Variants in KIRREL3 observed in about 807,000 individuals in gnomAD.
The protein encoded by KIRREL3 is kin of IRRE-like protein 3.
A neutral mutation model predicts 89.7 loss-of-function variants in KIRREL3; 36 were observed. That is an observed-to-expected ratio of 0.40 (90% CI 0.31 to 0.53). The LOEUF (loss-of-function observed/expected upper bound fraction) is 0.53. Among genes scored for constraint, KIRREL3 ranks in the 20% least tolerant of loss-of-function variants. The probability of loss-of-function intolerance (pLI) is 0.49; values close to 1 mark genes in which losing one functional copy is unlikely to be tolerated. For synonymous variants in KIRREL3, 445 were observed against 441.4 expected, an observed-to-expected ratio of 1.01 and a Z score of -0.10; for missense variants, 864 against 1,056.6, an observed-to-expected ratio of 0.82 and a Z score of 2.53.
At position 126,642,810 on chromosome 11, in the gene KIRREL3, T is replaced by C. The variant is rs1038561613; in HGVS notation, c.56-79898A>G. On this transcript the variant is annotated intron_variant, in intron 1 of 16. Transcript: ENST00000525144. This position sits in a 1 kb window ranked among gnomAD's most constrained non-coding sequence, Gnocchi z 4.9. ...TCCCTTCAAGGGTTATGATTTTGTA[T>C]GTGCAAAATTCTGAACTGTACATCC... Among the ~76,000 whole-genome samples, 3 of 152,232 alleles carry C rather than the reference T, an allele frequency of 2.0e-5. No homozygotes were observed. The highest frequency in any genetic ancestry group is 7.2e-5 in the African/African-American group (3 of 41,460).
chr11:126,642,445 A>G lies in KIRREL3; in HGVS notation c.56-79533T>C, dbSNP rs1171829433. Among the ~76,000 whole-genome samples, 2 of 152,234 alleles carry G rather than the reference A, an allele frequency of 1.3e-5. No homozygotes were observed. Among genetic ancestry groups the G allele is most frequent in the East Asian group, 1.9e-4 (1 of 5,198 alleles). Reference sequence around the variant, plus strand: ...TGCCTCTCTGTGAAAGCACATTACAATGTGGCCTAGCCCAAGCTAGACTCA... The same window carrying G: ...TGCCTCTCTGTGAAAGCACATTACAGTGTGGCCTAGCCCAAGCTAGACTCA... On this transcript the variant is annotated intron_variant, in intron 1 of 16. Coordinates refer to ENST00000525144, the MANE Select transcript of KIRREL3 (RefSeq NM_032531.4). This position sits in a 1 kb window ranked among gnomAD's most constrained non-coding sequence, Gnocchi z 4.9.
chr11:126,793,046 A>G (rs1258064594), intron 1 of KIRREL3, among the ~76,000 whole-genome samples: 1 of 152,122 alleles, frequency 6.6e-6, no homozygotes, highest in Non-Finnish European at 1.5e-5. Flanking sequence ...TTCAAATATT[A>G]CACAATAAAA....
chr11:126,851,598 G>A (rs1323383673), intron 1 of KIRREL3, among the ~76,000 whole-genome samples: 2 of 152,074 alleles, frequency 1.3e-5, no homozygotes, highest in East Asian at 1.9e-4. Context: ...CTCTCTGCCC[G>A]GCCCTGGGAA....
rs1237112770 is a variant in KIRREL3 at position 126,463,991 on chromosome 11, C to T, written c.592-684G>A. On this transcript the variant is annotated intron_variant, in intron 5 of 16. Coordinates refer to ENST00000525144, the MANE Select transcript of KIRREL3 (RefSeq NM_032531.4). The surrounding 1 kb of genome is among the most constrained non-coding windows in gnomAD (Gnocchi z 5.9). ...AGAGGCTATGGAGCTTGACCAAACTCACATTTCAAGTTGGTCCTGAAATAA... is the reference window on the plus strand; with the variant it reads ...AGAGGCTATGGAGCTTGACCAAACTTACATTTCAAGTTGGTCCTGAAATAA... Among the ~76,000 whole-genome samples the T allele has an allele frequency of 1.3e-5, 2 of 152,152 alleles. No individual in the cohort carries two copies. The highest frequency in any genetic ancestry group is 4.8e-5 in the African/African-American group (2 of 41,418).
Position 126,431,568 on chromosome 11 carries a change from T to C in KIRREL3, c.1589-42A>G, listed in dbSNP as rs777750276. On this transcript the variant is annotated intron_variant, in intron 13 of 16. Transcript: ENST00000525144. The surrounding 1 kb of genome is among the most constrained non-coding windows in gnomAD (Gnocchi z 7.1). ...GGCACAGCTGATGACGGATGGGGAA[T>C]GGCCTACTATCCCCCCATGATCTCA... 34 of 1,573,270 alleles carry C rather than the reference T, an allele frequency of 2.2e-5. No homozygotes were observed. The highest frequency in any genetic ancestry group is 3.0e-5 in the Non-Finnish European group (34 of 1,148,710).
chr11:126,919,789 G>A lies in KIRREL3; in HGVS notation c.55+80666C>T, dbSNP rs78247866. ...AGATTACATGCAAAGAAGTTTTAGA[G>A]GTTAAGAGTTCCAAAGAGGACAGAC... On this transcript the variant is annotated intron_variant, in intron 1 of 16. Transcript: ENST00000525144. Among the ~76,000 whole-genome samples the A allele has an allele frequency of 4.6e-5, 7 of 152,204 alleles. No homozygotes were observed. In the East Asian group the frequency reaches 1.2e-3, roughly 25 times the overall value.
At chr11:126,597,244 AG>A (rs1189653668) in intron 1 of KIRREL3, among the ~76,000 whole-genome samples, 1 of 152,148 alleles carries the variant, frequency 6.6e-6, no homozygotes, top group African/African-American at 2.4e-5. Flanking sequence ...CCTGGGCCAG[AG>A]CCCGCCTGTC....
At chr11:126,675,348 C>T (rs1295689322) in intron 1 of KIRREL3, among the ~76,000 whole-genome samples, 2 of 152,200 alleles carry the variant, frequency 1.3e-5, no homozygotes, top group Admixed American at 6.5e-5. Context: ...TGTGATTATG[C>T]ACCAGGCATG....
At chr11:126,921,108 C>T (rs1488899905) in intron 1 of KIRREL3, among the ~76,000 whole-genome samples, 2 of 152,202 alleles carry the variant, frequency 1.3e-5, no homozygotes, top group South Asian at 2.1e-4. Flanking sequence ...TTCTCTCTCC[C>T]TCTCCCCTGG....
chr11:126,755,815 C>T lies in KIRREL3; in HGVS notation c.56-192903G>A, dbSNP rs930880692. 7.9e-4 allele frequency among the ~76,000 whole-genome samples: 107 copies of T among 135,748 alleles called. No individual in the cohort carries two copies. The highest frequency in any genetic ancestry group is 1.5e-3 in the Non-Finnish European group (96 of 64,746). 89.1% of individuals were successfully genotyped at this position (135,748 alleles called of 152,430 possible). A position where few individuals can be genotyped will look rare whatever the true frequency, so the allele number is the denominator to read the frequency against. On this transcript the variant is annotated intron_variant, in intron 1 of 16. Transcript: ENST00000525144. This position sits in a 1 kb window ranked among gnomAD's most constrained non-coding sequence, Gnocchi z 4.3. ...CCCTGAATGCGTGCTCGCCATCTGC[C>T]ATTCAGGCAGAGAGAGAGAGAGAGA...
intron 1 of KIRREL3, among the ~76,000 whole-genome samples, chr11:126,857,750 C>T (rs1430687434): frequency 9.7e-6 from 1 of 103,456 alleles, no homozygotes; most frequent in Non-Finnish European, 1.8e-5. Flanking sequence ...AAGGAATCAG[C>T]CAATGCGTGT....
At position 126,628,972 on chromosome 11, in the gene KIRREL3, G is replaced by A. The variant is rs1240676885; in HGVS notation, c.56-66060C>T. ...TTGATAATGAGCATTTAAAGGGCAC[G>A]TCCTAATGAAGGGAGCCAGGAATGA... On this transcript the variant is annotated intron_variant, in intron 1 of 16. Transcript: ENST00000525144. The surrounding 1 kb of genome is among the most constrained non-coding windows in gnomAD (Gnocchi z 5.2). Among the ~76,000 whole-genome samples, 1 of 152,192 alleles carries A rather than the reference G, an allele frequency of 6.6e-6. No individual in the cohort carries two copies. The highest frequency in any genetic ancestry group is 1.5e-5 in the Non-Finnish European group (1 of 68,038).
rs891811033 is a variant in KIRREL3 at position 126,490,923 on chromosome 11, T to C, written c.434-17457A>G. Among the ~76,000 whole-genome samples, 6 of 151,876 alleles carry C rather than the reference T, an allele frequency of 4.0e-5. No individual in the cohort carries two copies. The highest frequency in any genetic ancestry group is 7.4e-5 in the Non-Finnish European group (5 of 67,932). ...CATTTGCTCTTAAGGGTGCAGGGGG[T>C]CCACAAATGCCTGAGGATCCACAGC... On this transcript the variant is annotated intron_variant, in intron 4 of 16. Coordinates refer to ENST00000525144, the MANE Select transcript of KIRREL3 (RefSeq NM_032531.4). This position sits in a 1 kb window ranked among gnomAD's most constrained non-coding sequence, Gnocchi z 4.2.
chr11:126,484,763 G>A lies in KIRREL3; in HGVS notation c.434-11297C>T, dbSNP rs866000766. Among the ~76,000 whole-genome samples, 3 of 151,512 alleles carry A rather than the reference G, an allele frequency of 2.0e-5. No homozygotes were observed. The highest frequency in any genetic ancestry group is 7.3e-5 in the African/African-American group (3 of 41,220). On this transcript the variant is annotated intron_variant, in intron 4 of 16. Transcript: ENST00000525144. This position sits in a 1 kb window ranked among gnomAD's most constrained non-coding sequence, Gnocchi z 5.2. ...CTTTCCCCCTCTTCAGACCCTCCCCGCCTCCACTTAGGTCTATATTAAGAA... is the reference window on the plus strand; with the variant it reads ...CTTTCCCCCTCTTCAGACCCTCCCCACCTCCACTTAGGTCTATATTAAGAA...
chr11:126,572,786 A>G (rs1005888231), intron 1 of KIRREL3, among the ~76,000 whole-genome samples: 14 of 152,176 alleles, frequency 9.2e-5, no homozygotes, highest in African/African-American at 3.1e-4. Context: ...CTATTTAGTG[A>G]TGGGCTTACA....
Position 126,807,443 on chromosome 11 carries a change from T to A in KIRREL3, c.55+193012A>T, listed in dbSNP as rs971005993. 2.0e-5 allele frequency among the ~76,000 whole-genome samples: 3 copies of A among 152,222 alleles called. No homozygotes were observed. Among genetic ancestry groups the A allele is most frequent in the African/African-American group, 7.2e-5 (3 of 41,462 alleles). On this transcript the variant is annotated intron_variant, in intron 1 of 16. Transcript: ENST00000525144. The surrounding 1 kb of genome is among the most constrained non-coding windows in gnomAD (Gnocchi z 4.3). ...CTAGTGGTTGAGACCTCATTAGCTA[T>A]GTGTTTAACCATTCATGTCTAACTA...
chr11:126,514,814 C>T (rs1436303228), intron 4 of KIRREL3, among the ~76,000 whole-genome samples: 13 of 35,540 alleles, frequency 3.7e-4, no homozygotes, highest in East Asian at 5.4e-3. Flanking sequence ...ATTGCCTCTC[C>T]AACACAACAC....
intron 1 of KIRREL3, among the ~76,000 whole-genome samples, chr11:126,925,152 G>C (rs1026651026): frequency 3.3e-5 from 5 of 149,558 alleles, no homozygotes; most frequent in African/African-American, 1.2e-4. Context: ...GCAAGGGTTT[G>C]GCTGGTGCAC....
intron 4 of KIRREL3, among the ~76,000 whole-genome samples, chr11:126,507,839 C>T (rs1397192442): frequency 6.6e-6 from 1 of 152,184 alleles, no homozygotes; most frequent in Non-Finnish European, 1.5e-5. Flanking sequence ...TCCCGGGGGA[C>T]CCTGGCTAGG....
Sources: gnomAD v4.1 joint callset for allele counts (sites outside exome capture counted in the v4.1 genomes callset) on GRCh38, gnomAD v4.1.1 for gene constraint, Gnocchi (gnomAD v3.1) non-coding constraint, MANE v1.5 for transcripts, NCBI Gene and HGNC (gene_info 2026-07-23, HGNC 2026-07-21) for gene names.